Variants in DLGAP3 observed in about 807,000 individuals in gnomAD.
DLGAP3 encodes disks large-associated protein 3.
A neutral mutation model predicts 81.2 loss-of-function variants in DLGAP3; 17 were observed. The ratio of observed to expected loss-of-function variants is 0.21; its 90% CI spans 0.14 to 0.31. The LOEUF is 0.31. DLGAP3 is among the 10% of genes least tolerant of loss of function. The pLI, the probability that DLGAP3 is intolerant of heterozygous loss-of-function variation, is 1.00. For missense variants in DLGAP3, 1,124 were observed against 1,388.0 expected, an observed-to-expected ratio of 0.81 and a Z score of 3.02; for synonymous variants, 577 against 587.4, an observed-to-expected ratio of 0.98 and a Z score of 0.26.
chr1:34,877,770 A>G (rs868252813), intron 8 of DLGAP3, among the ~76,000 whole-genome samples: 5 of 152,360 alleles, frequency 3.3e-5, no homozygotes, highest in Admixed American at 1.3e-4. Flanking sequence ...ATATCTGTCA[A>G]ATGTTTAAGG....
At chr1:34,907,749 CA>C (rs1639578447) in intron 1 of DLGAP3, among the ~76,000 whole-genome samples, 1 of 152,032 alleles carries the variant, frequency 6.6e-6, no homozygotes, top group South Asian at 2.1e-4. Flanking sequence ...TTCCATTCCA[CA>C]AACATTTATT....
chr1:34,919,772 C>A (rs185938489), intron 1 of DLGAP3, among the ~76,000 whole-genome samples: 2 of 150,354 alleles, frequency 1.3e-5, no homozygotes, highest in East Asian at 3.9e-4. Context: ...AGAGTGAGAC[C>A]CCATCTCAAA....
intron 1 of DLGAP3, among the ~76,000 whole-genome samples, chr1:34,915,543 GCA>G (rs1273967021): frequency 6.6e-6 from 1 of 152,182 alleles, no homozygotes; most frequent in Admixed American, 6.5e-5. Flanking sequence ...TCCTGGATTA[GCA>G]CACTGTCCCG....
chr1:34,866,051 G>GGGCCCGGGCCGGGCTGGGCGGGCC lies in DLGAP3; in HGVS notation c.*8_*31dup. ...GTGTACAGTACGGGTGGAGAACCGC[G>GGGCCCGGGCCGGGCTGGGCGGGCC]GGCCCGGGCCGGGCTGGGCGGGCCG... On this transcript the variant is annotated 3_prime_UTR_variant, in exon 12 of 12. Coordinates refer to ENST00000373347, the MANE Select transcript of DLGAP3 (RefSeq NM_001080418.3). The GGGCCCGGGCCGGGCTGGGCGGGCC allele has an allele frequency of 6.4e-7, 1 of 1,563,876 alleles. No individual in the cohort carries two copies. The highest frequency in any genetic ancestry group is 1.1e-5 in the South Asian group (1 of 88,590).
chr1:34,906,016 TTATATA>T (rs150603784), intron 2 of DLGAP3, among the ~76,000 whole-genome samples: 1 of 64,808 alleles, frequency 1.5e-5, no homozygotes, highest in African/African-American at 4.6e-5. Context: ...GCCTCTAAAT[TTATATA>T]TATATATATA....
At chr1:34,922,901 A>G (rs1034123865) in intron 1 of DLGAP3, among the ~76,000 whole-genome samples, 2 of 152,024 alleles carry the variant, frequency 1.3e-5, no homozygotes, top group African/African-American at 4.8e-5. Context: ...TCAATGAGAT[A>G]TACCCACTCC....
intron 1 of DLGAP3, among the ~76,000 whole-genome samples, chr1:34,919,486 G>A (rs1639767092): frequency 6.6e-6 from 1 of 152,158 alleles, no homozygotes; most frequent in South Asian, 2.1e-4. Context: ...TGGGAGAAAG[G>A]AAAACAACCA....
At chr1:34,894,922 A>C (rs1429061591) in intron 5 of DLGAP3, among the ~76,000 whole-genome samples, 2 of 152,362 alleles carry the variant, frequency 1.3e-5, no homozygotes, top group African/African-American at 4.8e-5. Flanking sequence ...AGTCAAGGAA[A>C]TTAAAGTGTC....
chr1:34,869,480 ATTTTTTTTTTTT>A (rs71029050), intron 8 of DLGAP3, among the ~76,000 whole-genome samples: 1 of 69,280 alleles, frequency 1.4e-5, no homozygotes, highest in Non-Finnish European at 2.8e-5. Flanking sequence ...AGATATTTCA[ATTTTTTTTTTTT>A]TTTTTTTTTT....
chr1:34,880,473 G>A (rs1470142915), intron 8 of DLGAP3, among the ~76,000 whole-genome samples: 2 of 152,218 alleles, frequency 1.3e-5, no homozygotes, highest in African/African-American at 4.8e-5. Context: ...GCTCACGCCT[G>A]TAATCCCAGG....
intron 1 of DLGAP3, among the ~76,000 whole-genome samples, chr1:34,917,051 C>T (rs1017719760): frequency 6.6e-6 from 1 of 151,936 alleles, no homozygotes; most frequent in East Asian, 1.9e-4. Flanking sequence ...CTGAGGAGGC[C>T]AATAGGTGGA....
chr1:34,915,070 A>C (rs1247254235), intron 1 of DLGAP3, among the ~76,000 whole-genome samples: 1 of 152,224 alleles, frequency 6.6e-6, no homozygotes, highest in Non-Finnish European at 1.5e-5. Context: ...AGGGAAAGCC[A>C]GCAACCTCAT....
chr1:34,925,114 C>G (rs932996721), intron 1 of DLGAP3, among the ~76,000 whole-genome samples: 1 of 152,146 alleles, frequency 6.6e-6, no homozygotes, highest in Non-Finnish European at 1.5e-5. Flanking sequence ...CCACACACCC[C>G]CTTTAGAACA....
Position 34,900,494 on chromosome 1 carries a change from AC to A in DLGAP3, c.1108-222del, listed in dbSNP as rs1031248478. Among the ~76,000 whole-genome samples the A allele has an allele frequency of 1.3e-5, 2 of 152,220 alleles. No homozygotes were observed. Among genetic ancestry groups the A allele is most frequent in the African/African-American group, 4.8e-5 (2 of 41,462 alleles). ...GACCTTCTGCACTTAATTAAGGGCCACCTAGAGAGTCTGAGGGAGTGACATG... is the reference window on the plus strand; with the variant it reads ...GACCTTCTGCACTTAATTAAGGGCCACTAGAGAGTCTGAGGGAGTGACATG... On this transcript the variant is annotated intron_variant, in intron 3 of 11. Coordinates refer to ENST00000373347, the MANE Select transcript of DLGAP3 (RefSeq NM_001080418.3). This position sits in a 1 kb window ranked among gnomAD's most constrained non-coding sequence, Gnocchi z 5.6.
In DLGAP3 at chr1:34,907,363, G is replaced by A. The variant is rs1639571495; in HGVS notation, c.-60C>T. ...ACTCTTCTATCACTCACCATCCAGG[G>A]TGTCCCATCCTTGATGTCAGGATCC... On this transcript the variant is annotated 5_prime_UTR_variant, in exon 2 of 12. Coordinates refer to ENST00000373347, the MANE Select transcript of DLGAP3 (RefSeq NM_001080418.3). 1 of 152,608 alleles carries A rather than the reference G, an allele frequency of 6.6e-6. No homozygotes were observed. The highest frequency in any genetic ancestry group is 1.5e-5 in the Non-Finnish European group (1 of 68,056). The allele number at this position is 152,608 out of a possible 1,614,324, so 9.5% of individuals were successfully genotyped here.
chr1:34,910,359 G>A (rs1384008577), intron 1 of DLGAP3, among the ~76,000 whole-genome samples: 2 of 152,116 alleles, frequency 1.3e-5, no homozygotes, highest in Admixed American at 6.5e-5. Context: ...CCCTGCTTCC[G>A]TTCTTACCCC....
At chr1:34,876,492 G>A (rs956417083) in intron 8 of DLGAP3, among the ~76,000 whole-genome samples, 7 of 152,204 alleles carry the variant, frequency 4.6e-5, no homozygotes, top group Non-Finnish European at 8.8e-5. Context: ...TGCTGGCCAG[G>A]CGAGGCTGCT....
At chr1:34,882,718 A>C (rs1639164053) in intron 8 of DLGAP3, among the ~76,000 whole-genome samples, 3 of 141,136 alleles carry the variant, frequency 2.1e-5, no homozygotes, top group Admixed American at 2.1e-4. Context: ...TCATGAACAT[A>C]AGTTAGATCA....
At chr1:34,916,224 G>T (rs989888813) in intron 1 of DLGAP3, among the ~76,000 whole-genome samples, 5 of 152,188 alleles carry the variant, frequency 3.3e-5, no homozygotes, top group Admixed American at 3.3e-4. Context: ...AGATAGAACC[G>T]CTACAGCATG....
Sources: allele counts gnomAD v4.1 joint callset (sites outside exome capture counted in the v4.1 genomes callset), GRCh38; gene constraint gnomAD v4.1.1; non-coding constraint Gnocchi (gnomAD v3.1); transcripts MANE v1.5; gene names NCBI Gene and HGNC (gene_info 2026-07-23, HGNC 2026-07-21).